Variants in LIPK observed in about 807,000 individuals in gnomAD.
LIPK encodes lipase member K.
A neutral mutation model predicts 48.6 loss-of-function variants in LIPK; 32 were observed. That is an observed-to-expected ratio of 0.66 (90% CI 0.50 to 0.88). The LOEUF (loss-of-function observed/expected upper bound fraction) is 0.88, where lower values mean the gene tolerates loss of function less well. Ranked by LOEUF, LIPK falls within the 40% of genes least tolerant of loss-of-function variation. The pLI is 0.00. For missense variants in LIPK, 507 were observed against 478.5 expected, an observed-to-expected ratio of 1.06 and a Z score of -0.56; for synonymous variants, 164 against 157.4, an observed-to-expected ratio of 1.04 and a Z score of -0.32.
At chr10:88,740,724 C>A (rs751959303) in intron 8 of LIPK, among the ~76,000 whole-genome samples, 2 of 149,688 alleles carry the variant, frequency 1.3e-5, no homozygotes, top group South Asian at 4.2e-4. Flanking sequence ...TCAGTCACAA[C>A]GCCTTTTGAA....
At chr10:88,724,726 C>T (rs776311848) in intron 2 of LIPK, 78 bp downstream of exon 2, 15 of 1,008,986 alleles carry the variant, frequency 1.5e-5, no homozygotes, top group Non-Finnish European at 1.9e-5. Context: ...ACTGGTGTGC[C>T]TTCTTAGTTT....
intron 8 of LIPK, among the ~76,000 whole-genome samples, 161 bp from the exon 9 acceptor site, chr10:88,743,089 T>G (rs1590158883): frequency 6.6e-6 from 1 of 152,202 alleles, no homozygotes; most frequent in East Asian, 1.9e-4. Flanking sequence ...TACGATAAGA[T>G]TTATCATTTT....
intron 9 of LIPK, among the ~76,000 whole-genome samples, chr10:88,746,530 A>G (rs944207208): frequency 7.9e-5 from 12 of 152,236 alleles, no homozygotes; most frequent in Non-Finnish European, 1.5e-4. Context: ...TGGGTAAATA[A>G]TGAAACACAG....
chr10:88,720,863 T>C (rs750259070), intron 1 of LIPK, among the ~76,000 whole-genome samples: 26 of 151,956 alleles, frequency 1.7e-4, no homozygotes, highest in Non-Finnish European at 3.4e-4. Flanking sequence ...GATGGCAATG[T>C]GAAAAGCTGA....
chr10:88,742,662 C>T (rs540567406), intron 8 of LIPK, among the ~76,000 whole-genome samples: 17 of 152,254 alleles, frequency 1.1e-4, no homozygotes, highest in African/African-American at 3.6e-4. Context: ...ACATTATGCA[C>T]ATCACAGCAG....
At chr10:88,749,196 A>G (rs1012091219) in intron 9 of LIPK, among the ~76,000 whole-genome samples, 5 of 152,258 alleles carry the variant, frequency 3.3e-5, no homozygotes, top group Admixed American at 1.3e-4. Context: ...ATACTGTCCA[A>G]ATCAATTTAC....
chr10:88,715,770 TTCTC>T (rs376414344), intron 1 of LIPK, among the ~76,000 whole-genome samples: 92 of 152,090 alleles, frequency 6.0e-4, no homozygotes, highest in African/African-American at 1.6e-3. Context: ...TTTCCTTTCT[TTCTC>T]TCTCTCTTTC....
At chr10:88,727,929 C>A (rs932057280) in intron 3 of LIPK, 3 of 361,340 alleles carry the variant, frequency 8.3e-6, no homozygotes, top group Non-Finnish European at 1.6e-5. Context: ...GCTGGGAGAA[C>A]GTGGACAACA....
intron 9 of LIPK, among the ~76,000 whole-genome samples, chr10:88,746,795 A>G (rs1842773584): frequency 6.6e-6 from 1 of 152,186 alleles, no homozygotes; most frequent in Non-Finnish European, 1.5e-5. Flanking sequence ...ACTGAGATGC[A>G]AAGAAACATA....
chr10:88,710,544 TC>T (rs1272081218), intron 1 of LIPK, among the ~76,000 whole-genome samples: 1 of 152,216 alleles, frequency 6.6e-6, no homozygotes, highest in Non-Finnish European at 1.5e-5. Flanking sequence ...TGATTTCTAT[TC>T]CTATGAATTA....
At chr10:88,709,902 G>A (rs1201521770) in intron 1 of LIPK, among the ~76,000 whole-genome samples, 1 of 151,992 alleles carries the variant, frequency 6.6e-6, no homozygotes, top group South Asian at 2.1e-4. Context: ...GGCCAAATTA[G>A]TATTACAAAA....
chr10:88,735,913 T>G (rs890857687), intron 6 of LIPK, among the ~76,000 whole-genome samples: 3 of 152,170 alleles, frequency 2.0e-5, no homozygotes, highest in African/African-American at 4.8e-5. Flanking sequence ...TTTTGCTGAG[T>G]CACAGGATAT....
Position 88,726,913 on chromosome 10 carries a change from G to T in LIPK, c.223+1G>T. ...GGAAGAGGATGCCCAGGGAGGACAG[G>T]TATTATTTATTTTGTTATGAAAGGA... On this transcript the variant is annotated splice_donor_variant, in intron 3 of 9. Coordinates refer to ENST00000404190, the MANE Select transcript of LIPK (RefSeq NM_001080518.2). LOFTEE classifies it high-confidence loss of function. 1 of 1,515,724 alleles carries T rather than the reference G, an allele frequency of 6.6e-7. No individual in the cohort carries two copies. The highest frequency in any genetic ancestry group is 9.1e-7 in the Non-Finnish European group (1 of 1,098,722). 93.9% of individuals were successfully genotyped at this position (1,515,724 alleles called of 1,614,324 possible).
chr10:88,713,643 T>C (rs530411753), intron 1 of LIPK, among the ~76,000 whole-genome samples: 59 of 152,258 alleles, frequency 3.9e-4, no homozygotes, highest in African/African-American at 1.3e-3. Flanking sequence ...CACCACACCA[T>C]GTAAAAATAA....
In LIPK at chr10:88,742,881, A is replaced by G. The variant is rs200486470; in HGVS notation, c.889-369A>G. On this transcript the variant is annotated intron_variant, in intron 8 of 9. Transcript: ENST00000404190. ...AGTAATTTTTAAATGTAAGAAATGTATAGCTAATGCCTTTTTAAAAAAATT... is the reference window on the plus strand; with the variant it reads ...AGTAATTTTTAAATGTAAGAAATGTGTAGCTAATGCCTTTTTAAAAAAATT... Among the ~76,000 whole-genome samples, 25 of 152,366 alleles carry G rather than the reference A, an allele frequency of 1.6e-4. No homozygotes were observed. The East Asian group carries it at 4.0e-3, about 25-fold the overall frequency.
chr10:88,722,439 G>A (rs1842244599), intron 1 of LIPK, among the ~76,000 whole-genome samples: 1 of 152,194 alleles, frequency 6.6e-6, no homozygotes, highest in Non-Finnish European at 1.5e-5. Flanking sequence ...CAACCAGTCT[G>A]GCTGTTTTTT....
intron 3 of LIPK, among the ~76,000 whole-genome samples, chr10:88,730,603 T>C (rs1317017937): frequency 6.6e-6 from 1 of 152,192 alleles, no homozygotes; most frequent in African/African-American, 2.4e-5. Context: ...GACAGCCTTT[T>C]ACATGTTTTA....
intron 9 of LIPK, among the ~76,000 whole-genome samples, chr10:88,748,773 T>C (rs1842814927): frequency 6.6e-6 from 1 of 152,168 alleles, no homozygotes; most frequent in South Asian, 2.1e-4. Context: ...TTGAGCATAG[T>C]ACTGGAAGTC....
At chr10:88,722,456 T>C (rs1028499411) in intron 1 of LIPK, among the ~76,000 whole-genome samples, 10 of 152,240 alleles carry the variant, frequency 6.6e-5, no homozygotes, top group Admixed American at 5.9e-4. Context: ...TTTTAAACTT[T>C]AGAATGCATA....
Sources: allele counts gnomAD v4.1 joint callset (sites outside exome capture counted in the v4.1 genomes callset), GRCh38; gene constraint gnomAD v4.1.1; transcripts MANE v1.5; gene names NCBI Gene and HGNC (gene_info 2026-07-23, HGNC 2026-07-21).